Variants in CA5A observed in about 807,000 individuals in gnomAD.
CA5A encodes the protein carbonic anhydrase 5A, also known as carbonic anhydrase 5A, mitochondrial.
In CA5A, 28 loss-of-function variants were observed where a neutral mutation model predicts 37.1. The observed-to-expected ratio is 0.75, with a 90% CI of 0.56 to 1.03. The LOEUF is 1.03. CA5A is among the 50% of genes least tolerant of loss of function. The pLI, the probability that CA5A is intolerant of heterozygous loss-of-function variation, is 0.00. For synonymous variants in CA5A, 171 were observed against 158.4 expected, an observed-to-expected ratio of 1.08 and a Z score of -0.60; for missense variants, 444 against 399.9, an observed-to-expected ratio of 1.11 and a Z score of -0.94.
chr16:87,924,393 G>A (rs2056273623), intron 2 of CA5A: 1 of 829,358 alleles, frequency 1.2e-6, no homozygotes, highest in Admixed American at 6.2e-5. Context: ...GCGATGCACT[G>A]TGTAGGGCCT....
chr16:87,918,045 T>G (rs2056178929), intron 2 of CA5A, among the ~76,000 whole-genome samples: 1 of 152,250 alleles, frequency 6.6e-6, no homozygotes, highest in African/African-American at 2.4e-5. Flanking sequence ...GTCTCTCATC[T>G]TGGAGCTGCC....
In CA5A at chr16:87,904,774, A is replaced by G; in HGVS notation, c.459+12T>C. ...GTGTGCAGATATGTGCTGTTAGGCC[A>G]CGTCTACAAACCTCTGCGGGGTACG... On this transcript the variant is annotated intron_variant, in intron 3 of 6. Coordinates refer to ENST00000649794, the MANE Select transcript of CA5A (RefSeq NM_001739.2). 6.5e-7 allele frequency: 1 copy of G among 1,533,262 alleles called. No individual in the cohort carries two copies. The highest frequency in any genetic ancestry group is 9.0e-7 in the Non-Finnish European group (1 of 1,106,236). The allele number at this position is 1,533,262 out of a possible 1,614,324, so 95.0% of individuals were successfully genotyped here.
At chr16:87,934,714 C>T (rs1238395498) in intron 1 of CA5A, among the ~76,000 whole-genome samples, 1 of 152,178 alleles carries the variant, frequency 6.6e-6, no homozygotes, top group Non-Finnish European at 1.5e-5. Context: ...AATCCCAGCA[C>T]TTTAGGAGGC....
intron 1 of CA5A, among the ~76,000 whole-genome samples, chr16:87,928,162 G>A (rs1468368051): frequency 6.6e-6 from 1 of 152,018 alleles, no homozygotes; most frequent in East Asian, 1.9e-4. Flanking sequence ...GTTCTTAAAA[G>A]GGATTAAATG....
At chr16:87,910,111 G>T (rs1006436186) in intron 2 of CA5A, among the ~76,000 whole-genome samples, 1 of 152,222 alleles carries the variant, frequency 6.6e-6, no homozygotes, top group Admixed American at 6.5e-5. Context: ...AAAAAACAAC[G>T]AACTGGAAGC....
intron 6 of CA5A, among the ~76,000 whole-genome samples, chr16:87,889,591 T>C (rs539248650): frequency 7.6e-4 from 115 of 151,842 alleles, no homozygotes; most frequent in African/African-American, 2.7e-3. Context: ...CTGGCCAACA[T>C]GGAGAAACCC....
chr16:87,901,776 G>A (rs576285826), intron 5 of CA5A, 136 bp downstream of exon 5: 214 of 588,064 alleles, frequency 3.6e-4, no homozygotes, highest in Non-Finnish European at 6.0e-4. Context: ...TAGTGGAGAC[G>A]GGGTTTCTCC....
chr16:87,912,785 G>T (rs1428818862), intron 2 of CA5A, among the ~76,000 whole-genome samples: 2 of 152,234 alleles, frequency 1.3e-5, no homozygotes, highest in Non-Finnish European at 2.9e-5. Flanking sequence ...CTATTTGTCA[G>T]GTGAAGATAA....
intron 2 of CA5A, among the ~76,000 whole-genome samples, chr16:87,916,370 G>C (rs567298068): frequency 2.0e-5 from 3 of 150,888 alleles, no homozygotes; most frequent in South Asian, 4.2e-4. Context: ...AGTATGGTTT[G>C]TGTAATATTT....
intron 2 of CA5A, among the ~76,000 whole-genome samples, chr16:87,919,607 A>T (rs1192223838): frequency 6.6e-6 from 1 of 151,870 alleles, no homozygotes; most frequent in South Asian, 2.1e-4. Flanking sequence ...GCAGTCGACG[A>T]CCCCTGCACC....
rs1310429186 is a variant in CA5A, at chr16:87,926,907, C to T, written c.181G>A (p.Gly61Ser). Residue 61 changes from glycine to serine, a missense_variant, in exon 2 of 7, where the codon GGC (glycine) becomes AGC (serine). By Grantham distance (56) the Gly-to-Ser change is moderately conservative (BLOSUM62 0). Coordinates refer to ENST00000649794, the MANE Select transcript of CA5A (RefSeq NM_001739.2). ...LWTVPVSVPG[G>S]TRQSPINIQW... ...ATGTTAATAGGAGACTGCCGGGTGC[C>T]CCCTGGCACGGAGACCGGGACCGTC... is the stretch of plus-strand genomic sequence containing the variant. 1 of 1,604,176 alleles carries T rather than the reference C, an allele frequency of 6.2e-7. No individual in the cohort carries two copies. Among genetic ancestry groups the T allele is most frequent in the Non-Finnish European group, 8.5e-7 (1 of 1,174,914 alleles).
At chr16:87,931,697 G>A (rs2056407894) in intron 1 of CA5A, among the ~76,000 whole-genome samples, 1 of 152,180 alleles carries the variant, frequency 6.6e-6, no homozygotes, top group Non-Finnish European at 1.5e-5. Flanking sequence ...TTACAGCCCA[G>A]CACAACCCTG....
chr16:87,926,476 G>A (rs1368343908), intron 2 of CA5A, among the ~76,000 whole-genome samples: 4 of 152,196 alleles, frequency 2.6e-5, no homozygotes, highest in Admixed American at 1.3e-4. Flanking sequence ...CGAGCCCCAC[G>A]GGAAGGGGAT....
At chr16:87,923,708 C>T in intron 2 of CA5A, 1 of 985,268 alleles carries the variant, frequency 1.0e-6, no homozygotes, top group South Asian at 4.7e-5. Context: ...AACAAAAGTC[C>T]AAAATAACCT....
At position 87,929,734 on chromosome 16, in the gene CA5A, T is replaced by C. The variant is rs576189143; in HGVS notation, c.143-2789A>G. 2.8e-3 allele frequency among the ~76,000 whole-genome samples: 425 copies of C among 151,178 alleles called. 3 individuals are homozygous for C. The highest frequency in any genetic ancestry group is 8.9e-3 in the African/African-American group (366 of 41,176). On this transcript the variant is annotated intron_variant, in intron 1 of 6. Coordinates refer to ENST00000649794, the MANE Select transcript of CA5A (RefSeq NM_001739.2). Reference sequence around the variant, plus strand: ...AAAAATACAAAAAATTAGCCGGGCGTGGTGGCGGGCGCCTGTAGTCCCAGC... The same window carrying C: ...AAAAATACAAAAAATTAGCCGGGCGCGGTGGCGGGCGCCTGTAGTCCCAGC...
intron 2 of CA5A, among the ~76,000 whole-genome samples, chr16:87,907,450 C>T (rs1170536745): frequency 2.6e-5 from 4 of 152,182 alleles, no homozygotes; most frequent in Non-Finnish European, 2.9e-5. Flanking sequence ...TTGGGATGGG[C>T]TCACTCATGA....
chr16:87,926,343 C>G (rs1443713448), intron 2 of CA5A, among the ~76,000 whole-genome samples: 2 of 152,228 alleles, frequency 1.3e-5, no homozygotes, highest in African/African-American at 2.4e-5. Context: ...CCTTGCAGGC[C>G]TCTGCCTAGA....
intron 5 of CA5A, among the ~76,000 whole-genome samples, chr16:87,899,814 T>G (rs2055852113): frequency 6.9e-6 from 1 of 145,672 alleles, no homozygotes; most frequent in South Asian, 2.2e-4. Context: ...CAGCTACTCA[T>G]GAGGTTGAGG....
chr16:87,934,084 G>A (rs2056440761), intron 1 of CA5A, among the ~76,000 whole-genome samples: 1 of 152,212 alleles, frequency 6.6e-6, no homozygotes, highest in African/African-American at 2.4e-5. Flanking sequence ...ATAGACACAG[G>A]GCACCCACCG....
Sources: allele counts gnomAD v4.1 joint callset (sites outside exome capture counted in the v4.1 genomes callset), GRCh38; gene constraint gnomAD v4.1.1; transcripts MANE v1.5; gene names NCBI Gene and HGNC (gene_info 2026-07-23, HGNC 2026-07-21).